Variants in RMP64 observed in about 807,000 individuals in gnomAD.
RMP64 encodes the protein ribonuclease MRP subunit p64.
chr3:113,013,807 A>C, the RMP64 span: 1 of 678,128 alleles, frequency 1.5e-6, no homozygotes, highest in Non-Finnish European at 2.7e-6. Flanking sequence ...CACAAACACC[A>C]GGTACCCCAC....
At chr3:113,011,370 C>A in the RMP64 span, 2 of 1,597,008 alleles carry the variant, frequency 1.3e-6, no homozygotes, top group East Asian at 2.2e-5. Context: ...GCTCATATAA[C>A]AAAATCAACC....
At chr3:113,009,622 C>T in the RMP64 span, 1 of 152,316 alleles carries the variant, frequency 6.6e-6, no homozygotes. Flanking sequence ...TGAAACCATA[C>T]TGCCTGCATT....
At chr3:113,013,479 A>G in the RMP64 span, 2 of 1,123,918 alleles carry the variant, frequency 1.8e-6, no homozygotes, top group Non-Finnish European at 2.5e-6. Context: ...TTTTTTTTAC[A>G]TTTACCAGTT....
the RMP64 span, among the ~76,000 whole-genome samples, chr3:113,018,441 T>C: frequency 6.6e-6 from 1 of 152,202 alleles, no homozygotes; most frequent in Non-Finnish European, 1.5e-5. Context: ...GTAGGAAGGA[T>C]AGATGGGATA....
At chr3:113,012,308 A>G in the RMP64 span, among the ~76,000 whole-genome samples, 1 of 152,260 alleles carries the variant, frequency 6.6e-6, no homozygotes, top group South Asian at 2.1e-4. Flanking sequence ...ATCAAGTGAT[A>G]CAGCCAGCCC....
chr3:113,017,802 G>A, the RMP64 span, among the ~76,000 whole-genome samples: 1 of 152,184 alleles, frequency 6.6e-6, no homozygotes, highest in Non-Finnish European at 1.5e-5. Context: ...TAAAGTCCAG[G>A]AAATCATTAA....
the RMP64 span, chr3:113,019,650 G>C: frequency 6.2e-7 from 1 of 1,611,522 alleles, no homozygotes; most frequent in Non-Finnish European, 8.5e-7. Context: ...GCCATCATGC[G>C]AGGCGGGGGG....
At chr3:113,018,708 C>T in the RMP64 span, among the ~76,000 whole-genome samples, 3 of 152,200 alleles carry the variant, frequency 2.0e-5, no homozygotes, top group Non-Finnish European at 1.5e-5. Context: ...TTCATAACAG[C>T]TTCCATTTGA....
the RMP64 span, chr3:113,003,613 C>G: frequency 6.6e-6 from 1 of 152,240 alleles, no homozygotes; most frequent in African/African-American, 2.4e-5. Flanking sequence ...TGAAGATACT[C>G]CAAAAGAACA....
chr3:113,011,045 C>T, the RMP64 span: 2 of 1,579,502 alleles, frequency 1.3e-6, no homozygotes, highest in Non-Finnish European at 8.6e-7. Context: ...AGCAAATTAC[C>T]TTTGAAGACT....
At chr3:113,008,437 C>T in the RMP64 span, 8 of 1,602,268 alleles carry the variant, frequency 5.0e-6, no homozygotes, top group East Asian at 9.0e-5. Context: ...TCTCCTGAAA[C>T]GTGGAAAGAT....
At chr3:113,010,070 T>A in the RMP64 span, among the ~76,000 whole-genome samples, 7 of 151,490 alleles carry the variant, frequency 4.6e-5, no homozygotes, top group African/African-American at 1.7e-4. Context: ...CATTAATCAA[T>A]CATGTTAAAA....
At chr3:113,010,924 C>T in the RMP64 span, 1 of 971,170 alleles carries the variant, frequency 1.0e-6, no homozygotes, top group South Asian at 1.7e-5. Flanking sequence ...CAATATGAGT[C>T]AAAATTAAGA....
the RMP64 span, chr3:113,013,356 G>C: frequency 6.2e-7 from 1 of 1,613,390 alleles, no homozygotes; most frequent in Admixed American, 1.7e-5. Flanking sequence ...CTCCACCACT[G>C]GCTGACTGGG....
chr3:113,019,452 T>C, the RMP64 span: 1 of 1,088,538 alleles, frequency 9.2e-7, no homozygotes, highest in Non-Finnish European at 1.4e-6. Context: ...GGCCGGGAAG[T>C]CCCGGTACCA....
At chr3:113,012,785 T>A in the RMP64 span, 2 of 1,609,068 alleles carry the variant, frequency 1.2e-6, no homozygotes, top group Non-Finnish European at 1.7e-6. Flanking sequence ...AATGAACTCT[T>A]GCAAACCTAG....
At chr3:113,013,939 G>A in the RMP64 span, 1 of 1,592,962 alleles carries the variant, frequency 6.3e-7, no homozygotes, top group Non-Finnish European at 8.6e-7. Flanking sequence ...AAAGCAACTG[G>A]ACCACTTACT....
chr3:113,005,790 T>A, the RMP64 span: 1 of 1,613,944 alleles, frequency 6.2e-7, no homozygotes, highest in South Asian at 1.1e-5. Context: ...CACTTAGCAC[T>A]GGTATCTGTA....
chr3:113,019,449 A>AAGTCCCGGTACC, the RMP64 span: 1 of 1,011,842 alleles, frequency 9.9e-7, no homozygotes, highest in Non-Finnish European at 1.5e-6. Flanking sequence ...CCGGGCCGGG[A>AAGTCCCGGTACC]AGTCCCGGTA....
Sources: gnomAD v4.1 joint callset for allele counts (sites outside exome capture counted in the v4.1 genomes callset) on GRCh38, gnomAD v4.1.1 for gene constraint, MANE v1.5 for transcripts, NCBI Gene and HGNC (gene_info 2026-07-23, HGNC 2026-07-21) for gene names.